The following UTRN variants were observed in gnomAD, a reference collection of about 807,000 sequenced individuals.
UTRN encodes the protein dystrophin-related protein 1.
A neutral mutation model predicts 463.9 loss-of-function variants in UTRN; 283 were observed. The ratio of observed to expected loss-of-function variants is 0.61; its 90% CI spans 0.55 to 0.67. The LOEUF (loss-of-function observed/expected upper bound fraction) is 0.67. UTRN is among the 30% of genes least tolerant of loss of function. UTRN has a pLI of 0.00. For missense variants in UTRN, 3,922 were observed against 4,084.3 expected (o/e 0.96, Z 1.08); for synonymous variants, 1,442 against 1,431.5 (o/e 1.01, Z -0.17).
chr6:144,700,873 A>G (rs1350933527), intron 53 of UTRN, among the ~76,000 whole-genome samples: 1 of 151,152 alleles, frequency 6.6e-6, no homozygotes, highest in Non-Finnish European at 1.5e-5. Context: ...AGCTGGGACT[A>G]CAGGCACCTG....
At chr6:144,677,807 A>G (rs1781796535) in intron 51 of UTRN, among the ~76,000 whole-genome samples, 1 of 152,124 alleles carries the variant, frequency 6.6e-6, no homozygotes, top group African/African-American at 2.4e-5. Context: ...CTGGCAGGAG[A>G]TGGTATCTCA....
At chr6:144,657,984 C>T (rs573605679) in intron 51 of UTRN, among the ~76,000 whole-genome samples, 1 of 152,276 alleles carries the variant, frequency 6.6e-6, no homozygotes, top group South Asian at 2.1e-4. Context: ...AAGATCTCAG[C>T]ATGTGGCCCC....
intron 41 of UTRN, among the ~76,000 whole-genome samples, chr6:144,524,465 A>G (rs755836671): frequency 2.1e-4 from 32 of 152,054 alleles, no homozygotes; most frequent in Non-Finnish European, 3.1e-4. Flanking sequence ...TGCCAGTTTA[A>G]TAGTGATAGA....
chr6:144,370,887 C>T (rs1562306465), intron 2 of UTRN, among the ~76,000 whole-genome samples: 1 of 152,166 alleles, frequency 6.6e-6, no homozygotes, highest in Non-Finnish European at 1.5e-5. Context: ...TACATGGGGC[C>T]TGTATTCGTA....
intron 2 of UTRN, among the ~76,000 whole-genome samples, chr6:144,314,979 T>G (rs1775191157): frequency 6.6e-6 from 1 of 152,090 alleles, no homozygotes. Context: ...TATTTATTTA[T>G]TTAACAGCTA....
intron 32 of UTRN, 61 bp downstream of exon 32, chr6:144,491,163 C>G (rs1584996128): frequency 6.6e-7 from 1 of 1,508,646 alleles, no homozygotes; most frequent in East Asian, 2.3e-5. Context: ...ATGGCTTGGT[C>G]TAGCAAGTAC....
intron 50 of UTRN, among the ~76,000 whole-genome samples, chr6:144,560,480 T>C (rs1000936333): frequency 6.6e-5 from 10 of 152,276 alleles, no homozygotes; most frequent in African/African-American, 2.4e-4. Flanking sequence ...TAATGGCTGC[T>C]GAGAGGCCTT....
chr6:144,576,396 A>G (rs935785643), intron 50 of UTRN, among the ~76,000 whole-genome samples: 8 of 152,206 alleles, frequency 5.3e-5, no homozygotes, highest in East Asian at 1.9e-4. Context: ...TATAACTCCA[A>G]GATAGCTCTG....
chr6:144,758,083 A>G (rs1562870832), intron 58 of UTRN, 94 bp downstream of exon 58: 2 of 1,050,360 alleles, frequency 1.9e-6, no homozygotes, highest in East Asian at 2.5e-5. Context: ...TTAAAAATAG[A>G]ATTCAGTCCT....
At chr6:144,845,699 TTAA>T (rs1781951302) in intron 73 of UTRN, among the ~76,000 whole-genome samples, 1 of 152,172 alleles carries the variant, frequency 6.6e-6, no homozygotes, top group Non-Finnish European at 1.5e-5. Context: ...TATGGTGTAC[TTAA>T]TAATAATTCA....
intron 51 of UTRN, among the ~76,000 whole-genome samples, chr6:144,666,300 G>A (rs750577367): frequency 2.6e-5 from 4 of 152,136 alleles, no homozygotes; most frequent in Non-Finnish European, 4.4e-5. Flanking sequence ...AGCTTAGCCA[G>A]GACTTTGCAG....
intron 51 of UTRN, among the ~76,000 whole-genome samples, chr6:144,594,282 C>T (rs1803421341): frequency 6.6e-6 from 1 of 151,942 alleles, no homozygotes; most frequent in Non-Finnish European, 1.5e-5. Context: ...TTTTTTTGTG[C>T]TGCCCAAGGT....
At chr6:144,514,115 A>G in intron 36 of UTRN, 78 bp downstream of exon 36, 1 of 1,568,544 alleles carries the variant, frequency 6.4e-7, no homozygotes, top group Non-Finnish European at 8.7e-7. Context: ...GAATGCTCTA[A>G]GTTACTTAGC....
In UTRN at chr6:144,423,771, G is replaced by GA. The variant is rs1374967501; in HGVS notation, c.312+147dup. 6 of 1,036,338 alleles carry GA rather than the reference G, an allele frequency of 5.8e-6. No individual in the cohort carries two copies. In the Admixed American group the frequency reaches 1.1e-4, roughly 19 times the overall value. The allele number at this position is 1,036,338 out of a possible 1,614,324, so 64.2% of individuals were successfully genotyped here. A position where few individuals can be genotyped will look rare whatever the true frequency, so the allele number is the denominator to read the frequency against. On this transcript the variant is annotated intron_variant, in intron 5 of 74. Transcript: ENST00000367545. ...GAAATACTGAACTTTTTCTGTGAGT[G>GA]AAGAAACAGTCATGTGCTTTTTCTG... is the stretch of plus-strand genomic sequence containing the variant.
intron 42 of UTRN, 97 bp downstream of exon 42, chr6:144,531,299 T>C (rs182481498): frequency 4.9e-6 from 6 of 1,226,806 alleles, no homozygotes; most frequent in Non-Finnish European, 6.3e-6. Context: ...TATTAATTTT[T>C]CAGAAGTCAA....
At chr6:144,443,481 C>T (rs547717150) in intron 13 of UTRN, among the ~76,000 whole-genome samples, 153 of 152,192 alleles carry the variant, frequency 1.0e-3, no homozygotes, top group Middle Eastern at 6.8e-3. Flanking sequence ...CTATGAAAAG[C>T]TTATTCTCAT....
In UTRN at chr6:144,638,853, G is replaced by A. The variant is rs149730560; in HGVS notation, c.7480-39553G>A. Among the ~76,000 whole-genome samples the A allele has an allele frequency of 1.4e-4, 22 of 152,146 alleles. No individual in the cohort carries two copies. In the East Asian group the frequency reaches 3.1e-3, roughly 21 times the overall value. ...TCAAGGAGGCTGAGGTGGGAGGATC[G>A]CTTGAGGCCAGGAATTCAAGACCAG... On this transcript the variant is annotated intron_variant, in intron 51 of 74. Transcript: ENST00000367545.
chr6:144,407,196 T>G (rs12213843), intron 3 of UTRN, among the ~76,000 whole-genome samples: 1,565 of 152,280 alleles, frequency 0.01, 10 homozygotes, highest in Non-Finnish European at 0.016. Flanking sequence ...TGCAGGGACT[T>G]TCTATTTGCT....
chr6:144,665,549 C>G (rs1337027537), intron 51 of UTRN, among the ~76,000 whole-genome samples: 1 of 151,882 alleles, frequency 6.6e-6, no homozygotes, highest in Non-Finnish European at 1.5e-5. Context: ...AGAGAAATGC[C>G]CAGTTAAGGG....
Sources: allele counts gnomAD v4.1 joint callset (sites outside exome capture counted in the v4.1 genomes callset), GRCh38; gene constraint gnomAD v4.1.1; transcripts MANE v1.5; gene names NCBI Gene and HGNC (gene_info 2026-07-23, HGNC 2026-07-21).